Variants in COL18A1 observed in about 807,000 individuals in gnomAD.
The protein encoded by COL18A1 is collagen alpha-1(XVIII) chain.
In COL18A1, 133 loss-of-function variants were observed where a neutral mutation model predicts 168.0. The ratio of observed to expected loss-of-function variants is 0.79; its 90% confidence interval spans 0.69 to 0.91. The LOEUF (loss-of-function observed/expected upper bound fraction) is 0.91. Among genes scored for constraint, COL18A1 ranks in the 40% least tolerant of loss-of-function variants. COL18A1 has a pLI of 0.00. For missense variants in COL18A1, 2,126 were observed against 1,925.4 expected (o/e 1.10, Z -1.95); for synonymous variants, 949 against 809.0 (o/e 1.17, Z -2.94).
Position 45,468,581 on chromosome 21 carries a change from C to T in COL18A1, c.446C>T (p.Thr149Ile). The T allele has an allele frequency of 3.1e-6, 5 of 1,613,748 alleles. No homozygotes were observed. Among genetic ancestry groups the T allele is most frequent in the South Asian group, 1.1e-5 (1 of 91,086 alleles). ...GAACCAGGTGCAGGCCAGACCCACACAGCCGCCAGCTTCCGGCTCCCCGCC... is the reference window on the plus strand; with the variant it reads ...GAACCAGGTGCAGGCCAGACCCACATAGCCGCCAGCTTCCGGCTCCCCGCC... ...YTEPGAGQTH[T>I]AASFRLPAFV... Residue 149 changes from threonine (T) to isoleucine (I), a missense_variant, in exon 3 of 42, where the codon ACA becomes ATA. Physicochemically the swap from Thr to Ile is moderately conservative, Grantham distance 89. Coordinates refer to ENST00000651438, the MANE Select transcript of COL18A1 (RefSeq NM_001379500.1).
chr21:45,433,191 G>A (rs933374317), intron 2 of COL18A1, among the ~76,000 whole-genome samples: 7 of 152,192 alleles, frequency 4.6e-5, no homozygotes, highest in African/African-American at 1.7e-4. Flanking sequence ...AAGGAGAGAG[G>A]GACGCGCTGG....
rs2034868753 is a variant in COL18A1, at chr21:45,457,306, C to T, written c.107-10936C>T. Among the ~76,000 whole-genome samples the T allele has an allele frequency of 6.6e-6, 1 of 152,162 alleles. No individual in the cohort carries two copies. The highest frequency in any genetic ancestry group is 1.5e-5 in the Non-Finnish European group (1 of 68,026). On this transcript the variant is annotated intron_variant, in intron 2 of 41. Transcript: ENST00000651438. This position sits in a 1 kb window ranked among gnomAD's most constrained non-coding sequence, Gnocchi z 4.6. The stretch of plus-strand genomic sequence containing the variant: ...GCTCCGGTCACTAAGCTGCACGGTT[C>T]GATGCGCTTCCTGGGAGCCCCAGCG...
chr21:45,500,197 A>T (rs1367433292), intron 32 of COL18A1, among the ~76,000 whole-genome samples: 7 of 27,554 alleles, frequency 2.5e-4, no homozygotes, highest in Admixed American at 4.0e-4. Flanking sequence ...GTGTGTGTGG[A>T]GTGTGTGTGG....
At position 45,490,266 on chromosome 21, in the gene COL18A1, C is replaced by A. The variant is rs770444751; in HGVS notation, c.1960-9C>A. On this transcript the variant is annotated splice_polypyrimidine_tract_variant and intron_variant, in intron 19 of 41. Coordinates refer to ENST00000651438, the MANE Select transcript of COL18A1 (RefSeq NM_001379500.1). Reference sequence around the variant, plus strand: ...CCAATGCCCTGCGTCCTCCATGTGACCCTTTCAGGGAGAAGTTGGAGCAGA... The same window carrying A: ...CCAATGCCCTGCGTCCTCCATGTGAACCTTTCAGGGAGAAGTTGGAGCAGA... 3 of 1,576,514 alleles carry A rather than the reference C, an allele frequency of 1.9e-6. No individual in the cohort carries two copies. Among genetic ancestry groups the A allele is most frequent in the East Asian group, 2.3e-5 (1 of 43,138 alleles).
intron 38 of COL18A1, among the ~76,000 whole-genome samples, chr21:45,508,896 C>T (rs905566831): frequency 2.0e-5 from 3 of 152,022 alleles, no homozygotes; most frequent in Non-Finnish European, 4.4e-5. Flanking sequence ...GGCTGAGGGC[C>T]GTGGGGAAAG....
intron 37 of COL18A1, chr21:45,506,204 C>A: frequency 1.8e-6 from 1 of 561,600 alleles, no homozygotes; most frequent in Non-Finnish European, 3.2e-6. Context: ...GTGTGAGGGG[C>A]TCCTGGTGGG....
intron 25 of COL18A1, 132 bp downstream of exon 25, chr21:45,493,357 T>C (rs1014349926): frequency 3.7e-5 from 48 of 1,280,072 alleles, no homozygotes; most frequent in Non-Finnish European, 1.1e-6. Context: ...GGTACATCCC[T>C]GCTCGGGCCG....
In COL18A1 at chr21:45,443,114, GGGC is replaced by G; in HGVS notation, c.107-25122_107-25120del. 1.1e-5 allele frequency among the ~76,000 whole-genome samples: 1 copy of G among 92,698 alleles called. No homozygotes were observed. Among genetic ancestry groups the G allele is most frequent in the Admixed American group, 1.1e-4 (1 of 8,954 alleles). 60.8% of individuals were successfully genotyped at this position (92,698 alleles called of 152,430 possible). ...CTGATGTGGGCGGCGGTGCTGGTGT[GGGC>G]GGCGGTGCTGGTGTGGGCGGCGGTG... On this transcript the variant is annotated intron_variant, in intron 2 of 41. Transcript: ENST00000651438. This position sits in a 1 kb window ranked among gnomAD's most constrained non-coding sequence, Gnocchi z 5.2.
intron 15 of COL18A1, among the ~76,000 whole-genome samples, chr21:45,484,694 G>A (rs142415681): frequency 2.0e-5 from 3 of 149,378 alleles, no homozygotes; most frequent in East Asian, 2.1e-4. Context: ...ATGTGCCCAC[G>A]TTTTTCTAGC....
chr21:45,490,052 C>CCCCCACT (rs1197031266), intron 19 of COL18A1, among the ~76,000 whole-genome samples: 1 of 2,960 alleles, frequency 3.4e-4, no homozygotes, highest in Admixed American at 1.7e-3. Context: ...CACACCTCCT[C>CCCCCACT]CCCCACTCCC....
intron 21 of COL18A1, 150 bp from the exon 22 acceptor site, chr21:45,491,075 T>A: frequency 3.6e-6 from 3 of 843,380 alleles, no homozygotes; most frequent in Admixed American, 2.0e-5. Context: ...CTGCCCTGCC[T>A]GGCAGGGGGC....
At position 45,476,388 on chromosome 21, in the gene COL18A1, C is replaced by T. The variant is rs375411877; in HGVS notation, c.836C>T (p.Pro279Leu). 1.2e-5 allele frequency: 19 copies of T among 1,613,996 alleles called. No homozygotes were observed. Among genetic ancestry groups the T allele is most frequent in the East Asian group, 8.9e-5 (4 of 44,888 alleles). ...ALKPRLPAPP[P>L]VTTPPLAGGS... is the part of the protein sequence containing the mutation. Reference sequence around the variant, plus strand: ...AAACCCAGGCTCCCCGCGCCACCCCCCGTCACCACGCCACCCTTGGCTGGA... The same window carrying T: ...AAACCCAGGCTCCCCGCGCCACCCCTCGTCACCACGCCACCCTTGGCTGGA... Residue 279 changes from proline (P) to leucine (L), a missense_variant, in exon 6 of 42, where the codon CCC (proline) becomes CTC (leucine). By Grantham distance (98) the Pro-to-Leu change is moderately conservative. Coordinates refer to ENST00000651438, the MANE Select transcript of COL18A1 (RefSeq NM_001379500.1).
intron 2 of COL18A1, among the ~76,000 whole-genome samples, chr21:45,446,133 C>T (rs1055157186): frequency 6.6e-6 from 1 of 152,142 alleles, no homozygotes; most frequent in Admixed American, 6.5e-5. Flanking sequence ...GATCCAGCTT[C>T]GCCCTTTTGC....
At chr21:45,439,642 G>C (rs909577040) in intron 2 of COL18A1, among the ~76,000 whole-genome samples, 1 of 152,218 alleles carries the variant, frequency 6.6e-6, no homozygotes, top group Non-Finnish European at 1.5e-5. Flanking sequence ...TCCTGTGCGC[G>C]GGGCCTCCGG....
chr21:45,425,358 G>A lies in COL18A1; in HGVS notation c.106+19885G>A, dbSNP rs2033764637. Among the ~76,000 whole-genome samples, 1 of 152,154 alleles carries A rather than the reference G, an allele frequency of 6.6e-6. No individual in the cohort carries two copies. The highest frequency in any genetic ancestry group is 2.4e-5 in the African/African-American group (1 of 41,428). ...ACACGCCTGTCAGAGCCCCAGACTG[G>A]GCTCCCCTGGAGGACCCTGGTGCTG... On this transcript the variant is annotated intron_variant, in intron 2 of 41. Transcript: ENST00000651438. The surrounding 1 kb of genome is among the most constrained non-coding windows in gnomAD (Gnocchi z 4.1).
Position 45,468,759 on chromosome 21 carries a change from G to A in COL18A1, c.624G>A (p.Ala208=), listed in dbSNP as rs76148908. Residue 208 remains alanine (A), a synonymous_variant, in exon 3 of 42, where the codon GCG becomes GCA. Coordinates refer to ENST00000651438, the MANE Select transcript of COL18A1 (RefSeq NM_001379500.1). ...EPGAGLFVAQ[A]GGADPDKFQG... is the part of the protein sequence containing the mutation. ...GCGCCGGGCTCTTCGTGGCTCAGGC[G>A]GGGGGAGCGGACCCTGACAAGTTCC... The A allele has an allele frequency of 5.8e-3, 9,234 of 1,603,612 alleles. 421 individuals carry two copies. The African/African-American group carries it at 0.1, about 18-fold the overall frequency.
intron 6 of COL18A1, 35 bp from the exon 7 acceptor site, chr21:45,477,376 G>T (rs1328227958): frequency 1.9e-6 from 3 of 1,581,202 alleles, no homozygotes; most frequent in African/African-American, 1.3e-5. Flanking sequence ...CCACCCGGGG[G>T]GCGTGACCGT....
At chr21:45,509,772 C>A (rs1412157059) in intron 39 of COL18A1, among the ~76,000 whole-genome samples, 171 bp downstream of exon 39, 1 of 152,200 alleles carries the variant, frequency 6.6e-6, no homozygotes, top group Non-Finnish European at 1.5e-5. Flanking sequence ...GACTTGCCCT[C>A]TGGTGGCCAA....
chr21:45,466,486 TCGCACCCGGGAAGGC>T (rs2035218185), intron 2 of COL18A1, among the ~76,000 whole-genome samples: 1 of 152,204 alleles, frequency 6.6e-6, no homozygotes, highest in African/African-American at 2.4e-5. Context: ...GGCTGAGCTC[TCGCACCCGGGAAGGC>T]TGAGCTCTCG....
Sources: allele counts gnomAD v4.1 joint callset (sites outside exome capture counted in the v4.1 genomes callset), GRCh38; gene constraint gnomAD v4.1.1; non-coding constraint Gnocchi (gnomAD v3.1); transcripts MANE v1.5; gene names NCBI Gene and HGNC (gene_info 2026-07-23, HGNC 2026-07-21).